OPRM1: variants seen among roughly 807,000 people sequenced by gnomAD.
The protein encoded by OPRM1 is mu-type opioid receptor.
OPRM1 carries 27 observed loss-of-function variants against 31.8 expected under a neutral mutation model. The observed-to-expected ratio is 0.85, with a 90% CI of 0.63 to 1.17. The LOEUF is 1.17. OPRM1 is among the 50% of genes most tolerant of loss of function. OPRM1 has a pLI of 0.00. For synonymous variants in OPRM1, 196 were observed against 189.9 expected, an observed-to-expected ratio of 1.03 and a Z score of -0.26; for missense variants, 536 against 511.1, an observed-to-expected ratio of 1.05 and a Z score of -0.47.
In OPRM1 at chr6:154,123,001, A is replaced by G. The variant is rs752930654; in HGVS notation, c.*4280A>G. ...AGAAAATTAAGGAGCATGGACACAA[A>G]GGGTGAGGTTGGAGCAAAAGTTTAA... is the stretch of plus-strand genomic sequence containing the variant. On this transcript the variant is annotated 3_prime_UTR_variant, in exon 4 of 4. Transcript: ENST00000330432. Among the ~76,000 whole-genome samples, 3 of 152,178 alleles carry G rather than the reference A, an allele frequency of 2.0e-5. No homozygotes were observed. Among genetic ancestry groups the G allele is most frequent in the Non-Finnish European group, 4.4e-5 (3 of 68,020 alleles).
chr6:154,235,538 A>AG (rs1323750257), intron 3 of OPRM1, among the ~76,000 whole-genome samples: 1 of 148,914 alleles, frequency 6.7e-6, no homozygotes, highest in African/African-American at 2.4e-5. Context: ...TCACAAAAAA[A>AG]AAAAAAAAAA....
chr6:154,246,832 T>C (rs1490773976), exon 4 of OPRM1: 1 of 1,462,348 alleles, frequency 6.8e-7, no homozygotes, highest in Admixed American at 2.2e-5. Context: ...TCCTGATTTA[T>C]GTGACAGAGT....
chr6:154,072,152 G>T (rs1019614509), intron 1 of OPRM1, among the ~76,000 whole-genome samples: 1 of 152,194 alleles, frequency 6.6e-6, no homozygotes, highest in African/African-American at 2.4e-5. Flanking sequence ...CAAGAGCTGG[G>T]AAGGTATGGT....
chr6:154,214,145 A>T (rs1778192904), intron 3 of OPRM1: 1 of 974,900 alleles, frequency 1.0e-6, no homozygotes, highest in African/African-American at 1.6e-5. Flanking sequence ...AGAACTTGAC[A>T]TTGTTTTTTC....
intron 3 of OPRM1, chr6:154,159,866 T>A: frequency 6.2e-7 from 1 of 1,611,766 alleles, no homozygotes; most frequent in Non-Finnish European, 8.5e-7. Flanking sequence ...GAAGGTGATT[T>A]CTTGAGTTCC....
At chr6:154,204,705 T>C (rs1426944185) in intron 3 of OPRM1, among the ~76,000 whole-genome samples, 2 of 152,212 alleles carry the variant, frequency 1.3e-5, no homozygotes, top group African/African-American at 4.8e-5. Flanking sequence ...AGTGGCTTCC[T>C]GCCTTATCAG....
chr6:154,136,800 T>A (rs764310327), downstream of OPRM1, among the ~76,000 whole-genome samples: 1 of 152,128 alleles, frequency 6.6e-6, no homozygotes, highest in African/African-American at 2.4e-5. Flanking sequence ...GATGCCAACA[T>A]GTGACTTGCA....
intron 1 of OPRM1, among the ~76,000 whole-genome samples, chr6:154,051,546 G>A (rs926661940): frequency 6.6e-6 from 1 of 152,126 alleles, no homozygotes; most frequent in Non-Finnish European, 1.5e-5. Context: ...GAGTTACAAA[G>A]TATTTATGCA....
intron 3 of OPRM1, chr6:154,222,819 G>T (rs1778971497): frequency 3.8e-6 from 1 of 263,334 alleles, no homozygotes; most frequent in Non-Finnish European, 7.5e-6. Flanking sequence ...TGCAACTCGG[G>T]TGAGTCCTAT....
intron 3 of OPRM1, among the ~76,000 whole-genome samples, chr6:154,150,249 G>C (rs185984314): frequency 1.8e-4 from 27 of 152,322 alleles, no homozygotes; most frequent in African/African-American, 6.5e-4. Context: ...GCAGACAACA[G>C]GGATGGTATA....
intron 3 of OPRM1, among the ~76,000 whole-genome samples, chr6:154,111,521 A>G (rs1051573891): frequency 6.6e-6 from 1 of 152,176 alleles, no homozygotes; most frequent in Non-Finnish European, 1.5e-5. Context: ...TCTCAAGGTT[A>G]TGTTTGCTTC....
At chr6:154,192,659 T>C (rs1583758853) in intron 3 of OPRM1, among the ~76,000 whole-genome samples, 1 of 27,998 alleles carries the variant, frequency 3.6e-5, no homozygotes. Flanking sequence ...ACAAACAAAT[T>C]AGGAAGAAAA....
At chr6:154,019,747 C>CTTTTCTTTTTTTTTTTTTTTTTTT (rs61209522) in intron 1 of OPRM1, among the ~76,000 whole-genome samples, 6 of 122,012 alleles carry the variant, frequency 4.9e-5, no homozygotes, top group African/African-American at 2.0e-4. Flanking sequence ...CTTTTCTTTT[C>CTTTTCTTTTTTTTTTTTTTTTTTT]TTTTTTTTTT....
At chr6:154,074,870 C>CG (rs1168334268) in intron 1 of OPRM1, among the ~76,000 whole-genome samples, 1 of 151,824 alleles carries the variant, frequency 6.6e-6, no homozygotes, top group Non-Finnish European at 1.5e-5. Flanking sequence ...AGGATAGACA[C>CG]GGAAAAACTA....
intron 3 of OPRM1, among the ~76,000 whole-genome samples, chr6:154,243,350 G>A (rs1270795508): frequency 3.3e-5 from 5 of 152,148 alleles, no homozygotes; most frequent in Non-Finnish European, 7.3e-5. Context: ...TGTGTGCCGC[G>A]TCACACTAAG....
chr6:154,089,681 T>C, intron 1 of OPRM1, 145 bp from the exon 2 acceptor site: 1 of 612,136 alleles, frequency 1.6e-6, no homozygotes, highest in Non-Finnish European at 2.9e-6. Context: ...TCATTGTAAA[T>C]AGCCAAGCTG....
intron 3 of OPRM1, among the ~76,000 whole-genome samples, chr6:154,172,223 A>G (rs1403304260): frequency 2.0e-5 from 3 of 152,240 alleles, no homozygotes; most frequent in South Asian, 2.1e-4. Flanking sequence ...AGTGAAATCA[A>G]TGCAGAAGAC....
At chr6:154,156,212 G>A (rs573974098) in intron 3 of OPRM1, 2 of 152,426 alleles carry the variant, frequency 1.3e-5, no homozygotes, top group Non-Finnish European at 2.9e-5. Context: ...GGTTGAGGCA[G>A]GACCACTAGG....
chr6:154,119,936 T>C lies in OPRM1; in HGVS notation c.*1215T>C, dbSNP rs1266040506. On this transcript the variant is annotated 3_prime_UTR_variant, in exon 4 of 4. Transcript: ENST00000330432. ...CAAGATTTCCTTTGTAAAGTGTCGATCTTCTAAGTAGTTTCTTTAAGACAA... is the reference window on the plus strand; with the variant it reads ...CAAGATTTCCTTTGTAAAGTGTCGACCTTCTAAGTAGTTTCTTTAAGACAA... Among the ~76,000 whole-genome samples the C allele has an allele frequency of 6.6e-6, 1 of 152,218 alleles. No individual in the cohort carries two copies. Among genetic ancestry groups the C allele is most frequent in the African/African-American group, 2.4e-5 (1 of 41,464 alleles).
Sources: allele counts gnomAD v4.1 joint callset (sites outside exome capture counted in the v4.1 genomes callset), GRCh38; gene constraint gnomAD v4.1.1; transcripts MANE v1.5; gene names NCBI Gene and HGNC (gene_info 2026-07-23, HGNC 2026-07-21).